Variants in OCA2 observed in about 807,000 individuals in gnomAD.
OCA2 encodes the protein OCA2 melanosomal transmembrane protein.
Under a neutral mutation model 100.2 loss-of-function variants are expected in OCA2, and 77 were observed. The ratio of observed to expected loss-of-function variants is 0.77; its 90% CI spans 0.64 to 0.93. OCA2 has a LOEUF of 0.93. Ranked by LOEUF, OCA2 falls within the 40% of genes least tolerant of loss-of-function variation. The probability of loss-of-function intolerance (pLI) is 0.00; values close to 1 mark genes in which losing one functional copy is unlikely to be tolerated. For missense variants in OCA2, 1,062 were observed against 1,089.1 expected, an observed-to-expected ratio of 0.98 and a Z score of 0.35; for synonymous variants, 432 against 439.2, an observed-to-expected ratio of 0.98 and a Z score of 0.21.
chr15:28,077,127 T>C (rs974506921), intron 2 of OCA2, among the ~76,000 whole-genome samples: 1 of 151,580 alleles, frequency 6.6e-6, no homozygotes, highest in African/African-American at 2.4e-5. Context: ...TGGTGAGATC[T>C]CAGCTTACTG....
At chr15:28,054,998 C>T (rs190830586) in intron 2 of OCA2, among the ~76,000 whole-genome samples, 1 of 152,168 alleles carries the variant, frequency 6.6e-6, no homozygotes, top group Non-Finnish European at 1.5e-5. Flanking sequence ...AAACCACGCC[C>T]GTGATTCAAT....
intron 9 of OCA2, 128 bp from the exon 10 acceptor site, chr15:27,990,775 T>C: frequency 1.2e-6 from 1 of 826,180 alleles, no homozygotes; most frequent in Non-Finnish European, 2.1e-6. Context: ...TGATAAGTCA[T>C]GGGTCTTGAT....
At chr15:28,038,024 A>ATCTCTCTTTC (rs1566827671) in intron 2 of OCA2, among the ~76,000 whole-genome samples, 3 of 151,904 alleles carry the variant, frequency 2.0e-5, no homozygotes, top group Non-Finnish European at 4.4e-5. Context: ...CTCTTTCTCT[A>ATCTCTCTTTC]TCCCTATCTC....
At chr15:28,081,603 C>T (rs2044625247) in intron 2 of OCA2, 45 bp downstream of exon 2, 2 of 1,564,304 alleles carry the variant, frequency 1.3e-6, no homozygotes, top group African/African-American at 1.3e-5. Context: ...GAAACCCAAT[C>T]TGTGTGAAGT....
intron 9 of OCA2, among the ~76,000 whole-genome samples, chr15:27,995,415 C>T (rs1332914115): frequency 6.6e-6 from 1 of 152,222 alleles, no homozygotes; most frequent in Non-Finnish European, 1.5e-5. Context: ...GTCTTAGAGA[C>T]AGAGTCTTGC....
chr15:27,824,312 G>A (rs2034616540), intron 23 of OCA2, among the ~76,000 whole-genome samples: 1 of 152,052 alleles, frequency 6.6e-6, no homozygotes, highest in South Asian at 2.1e-4. Context: ...AGGTTGCAGT[G>A]AGCTGAGATG....
intron 20 of OCA2, 71 bp from the exon 21 acceptor site, chr15:27,871,329 A>T (rs1265123461): frequency 8.6e-7 from 1 of 1,162,202 alleles, no homozygotes; most frequent in East Asian, 2.4e-5. Context: ...CAGCCGCGAG[A>T]CTCAGAGGGG....
intron 5 of OCA2, among the ~76,000 whole-genome samples, chr15:28,023,458 G>A (rs1243832103): frequency 2.6e-5 from 4 of 152,096 alleles, no homozygotes; most frequent in Admixed American, 2.0e-4. Context: ...CTGCACGCAC[G>A]CAGAGCCACA....
downstream of OCA2, among the ~76,000 whole-genome samples, chr15:27,754,385 T>C (rs1389172468): frequency 6.6e-6 from 1 of 152,210 alleles, no homozygotes; most frequent in Non-Finnish European, 1.5e-5. Flanking sequence ...AGTCAGACGC[T>C]TGACACACAA....
intron 1 of OCA2, among the ~76,000 whole-genome samples, chr15:28,096,226 T>G (rs1404890586): frequency 1.4e-5 from 2 of 141,774 alleles, no homozygotes; most frequent in Non-Finnish European, 3.1e-5. Context: ...CTCCGGGGCG[T>G]GGTTGTGTCT....
At position 28,027,921 on chromosome 15, in the gene OCA2, C is replaced by A. The variant is rs777602121; in HGVS notation, c.465G>T (p.Lys155Asn). Residue 155 changes from lysine to asparagine, a missense_variant, in exon 4 of 24, where the codon AAG becomes AAT. Lys to Asn is a moderately conservative substitution (Grantham distance 94). Transcript: ENST00000354638. ...TGTGCGGGCTGTCCAGAAGGTCTCC[C>A]TTCTCGGAGGAGGCAGATGCAGACA... ...SGLSASASSE[K>N]GDLLDSPHIR... 1.2e-6 allele frequency: 2 copies of A among 1,613,950 alleles called. No individual in the cohort carries two copies. Among genetic ancestry groups the A allele is most frequent in the Non-Finnish European group, 1.7e-6 (2 of 1,180,032 alleles).
chr15:27,724,266 C>T, the OCA2 span, among the ~76,000 whole-genome samples: 553 of 152,218 alleles, frequency 3.6e-3, 3 homozygotes, highest in African/African-American at 0.013. Context: ...ATCAGGGTGT[C>T]GGCAGAGGTG....
intron 22 of OCA2, among the ~76,000 whole-genome samples, chr15:27,846,183 G>A (rs946591709): frequency 1.3e-5 from 2 of 152,048 alleles, no homozygotes; most frequent in Non-Finnish European, 2.9e-5. Flanking sequence ...GCCCCCTCTG[G>A]GCACTGTTGC....
chr15:27,743,656 G>T, the OCA2 span, among the ~76,000 whole-genome samples: 1 of 152,170 alleles, frequency 6.6e-6, no homozygotes, highest in Non-Finnish European at 1.5e-5. Flanking sequence ...GCAACTAAAT[G>T]CCTGCTGTCC....
chr15:28,008,855 G>C lies in OCA2; in HGVS notation c.1044+5921C>G, dbSNP rs1361523924. On this transcript the variant is annotated intron_variant, in intron 9 of 23. Transcript: ENST00000354638. ...AGCAGCAGATTGGGAGGACAGGCAGGGGCATCTGCAAGCCACCCCAAGACT... is the reference window on the plus strand; with the variant it reads ...AGCAGCAGATTGGGAGGACAGGCAGCGGCATCTGCAAGCCACCCCAAGACT... 2.0e-5 allele frequency among the ~76,000 whole-genome samples: 3 copies of C among 152,214 alleles called. No individual in the cohort carries two copies. The East Asian group carries it at 5.8e-4, about 29-fold the overall frequency.
Position 27,957,825 on chromosome 15 carries a change from C to T in OCA2, c.1637-90G>A. On this transcript the variant is annotated intron_variant, in intron 15 of 23. Transcript: ENST00000354638. This position sits in a 1 kb window ranked among gnomAD's most constrained non-coding sequence, Gnocchi z 4.3. Reference sequence around the variant, plus strand: ...TGTTCCCCACACAGTCGATGCCTGACAGAGCAGACACACACTCGAGACGTG... The same window carrying T: ...TGTTCCCCACACAGTCGATGCCTGATAGAGCAGACACACACTCGAGACGTG... The T allele has an allele frequency of 2.0e-6, 3 of 1,481,388 alleles. No individual in the cohort carries two copies. Among genetic ancestry groups the T allele is most frequent in the South Asian group, 1.2e-5 (1 of 86,444 alleles). The allele number at this position is 1,481,388 out of a possible 1,614,324, so 91.8% of individuals were successfully genotyped here.
chr15:27,861,124 G>T (rs1595531440), intron 21 of OCA2, among the ~76,000 whole-genome samples: 1 of 152,226 alleles, frequency 6.6e-6, no homozygotes, highest in Non-Finnish European at 1.5e-5. Flanking sequence ...GGCCTCAGGG[G>T]ACAGGAGTAT....
chr15:28,070,187 G>T (rs1219750192), intron 2 of OCA2, among the ~76,000 whole-genome samples: 7 of 127,666 alleles, frequency 5.5e-5, no homozygotes, highest in African/African-American at 2.4e-4. Context: ...TCTGAGAAGT[G>T]AGGAGCCCCT....
At chr15:27,897,837 G>A (rs921938229) in intron 19 of OCA2, among the ~76,000 whole-genome samples, 6 of 152,264 alleles carry the variant, frequency 3.9e-5, no homozygotes, top group Admixed American at 6.5e-5. Context: ...CAGCGGGGAC[G>A]GAGGCTGTAC....
Sources: allele counts gnomAD v4.1 joint callset (sites outside exome capture counted in the v4.1 genomes callset), GRCh38; gene constraint gnomAD v4.1.1; non-coding constraint Gnocchi (gnomAD v3.1); transcripts MANE v1.5; gene names NCBI Gene and HGNC (gene_info 2026-07-23, HGNC 2026-07-21).